Variants in CLEC12A observed in about 807,000 individuals in gnomAD.
CLEC12A encodes the protein C-type lectin domain family 12 member A.
In CLEC12A, 22 loss-of-function variants were observed where a neutral mutation model predicts 26.5. That is an observed-to-expected ratio of 0.83 (90% confidence interval 0.59 to 1.19). The LOEUF is 1.19. CLEC12A is among the 50% of genes most tolerant of loss of function. CLEC12A has a pLI of 0.00. For missense variants in CLEC12A, 353 were observed against 315.6 expected (o/e 1.12, Z -0.90); for synonymous variants, 119 against 101.9 (o/e 1.17, Z -1.01).
At chr12:9,982,452 C>T (rs1454357224) in intron 5 of CLEC12A, among the ~76,000 whole-genome samples, 1 of 151,898 alleles carries the variant, frequency 6.6e-6, no homozygotes, top group Non-Finnish European at 1.5e-5. Flanking sequence ...TTCTAGGGTT[C>T]AAAGATGAAT....
chr12:9,973,781 G>A (rs917164931), intron 1 of CLEC12A, among the ~76,000 whole-genome samples: 10 of 152,108 alleles, frequency 6.6e-5, no homozygotes, highest in South Asian at 4.1e-4. Context: ...TCCATGTGTC[G>A]TTTTCAAAGA....
chr12:9,975,966 T>A (rs537051327), intron 1 of CLEC12A, among the ~76,000 whole-genome samples: 4 of 152,320 alleles, frequency 2.6e-5, no homozygotes, highest in Non-Finnish European at 5.9e-5. Flanking sequence ...CTTGGTAGCT[T>A]CCATGTGGTG....
Position 9,982,036 on chromosome 12 carries a change from A to C in CLEC12A, c.548A>C (p.Gln183Pro). ...NKNALEFIKS[Q>P]SRSYDYWLGL... is the part of the protein sequence containing the mutation. ...TTCCTGTAGGAATTTATAAAATCCC[A>C]GAGTAGATCATATGACTATTGGCTG... Residue 183 changes from glutamine (Q) to proline (P), a missense_variant, in exon 5 of 6, where the codon CAG becomes CCG. Physicochemically the swap from Gln to Pro is moderately conservative, Grantham distance 76 (BLOSUM62 -1). Transcript: ENST00000304361. 4 of 1,566,964 alleles carry C rather than the reference A, an allele frequency of 2.6e-6. No individual in the cohort carries two copies. Among genetic ancestry groups the C allele is most frequent in the Non-Finnish European group, 3.5e-6 (4 of 1,138,842 alleles).
intron 4 of CLEC12A, chr12:9,992,521 G>A (rs1286125081): frequency 6.6e-6 from 1 of 152,032 alleles, no homozygotes; most frequent in Non-Finnish European, 1.5e-5. Context: ...AAGTCATAGT[G>A]TTCGCTTTCA....
At chr12:9,996,509 C>A, downstream of CLEC12A, among the ~76,000 whole-genome samples, 1 of 152,108 alleles carries the variant, frequency 6.6e-6, no homozygotes, top group Non-Finnish European at 1.5e-5. Flanking sequence ...TCTGAGTCCA[C>A]AGAAACAGTA....
chr12:9,995,134 A>T (rs1248789200), exon 5 of CLEC12A: 2 of 1,611,780 alleles, frequency 1.2e-6, no homozygotes, highest in South Asian at 2.2e-5. Flanking sequence ...GTGTCCAGTG[A>T]CTTACATATT....
In CLEC12A at chr12:9,980,646, T is replaced by C. The variant is rs2137187673; in HGVS notation, c.444T>C (p.Ser148=). Residue 148 remains serine (S), a synonymous_variant, in exon 4 of 6, where the codon AGT becomes AGC. Coordinates refer to ENST00000304361, the MANE Select transcript of CLEC12A (RefSeq NM_138337.6). Reference sequence around the variant, plus strand: ...ATAAGGACAGCTGTTATTTCCTAAGTGATGATGTCCAAACATGGCAGGAGA... The same window carrying C: ...ATAAGGACAGCTGTTATTTCCTAAGCGATGATGTCCAAACATGGCAGGAGA... The part of the protein sequence containing the change: ...IWHKDSCYFL[S]DDVQTWQESK... The C allele has an allele frequency of 6.2e-7, 1 of 1,613,852 alleles. No individual in the cohort carries two copies. Among genetic ancestry groups the C allele is most frequent in the East Asian group, 2.2e-5 (1 of 44,872 alleles).
chr12:10,005,684 A>T, the CLEC12A span, among the ~76,000 whole-genome samples: 2 of 152,238 alleles, frequency 1.3e-5, no homozygotes. Context: ...ATATTTTATT[A>T]TGCTGGTCAG....
At chr12:9,985,655 G>A, downstream of CLEC12A, 1 of 391,600 alleles carries the variant, frequency 2.6e-6, no homozygotes, top group Non-Finnish European at 4.5e-6. Context: ...CTTGGCTTTT[G>A]TTAAAGACAT....
the CLEC12A span, among the ~76,000 whole-genome samples, chr12:10,003,095 T>C: frequency 6.6e-6 from 1 of 152,228 alleles, no homozygotes; most frequent in African/African-American, 2.4e-5. Context: ...TTGCAACTGG[T>C]GATAGCTATT....
At position 9,979,489 on chromosome 12, in the gene CLEC12A, C is replaced by G; in HGVS notation, c.344C>G (p.Thr115Ser). 1 of 1,613,244 alleles carries G rather than the reference C, an allele frequency of 6.2e-7. No homozygotes were observed. The highest frequency in any genetic ancestry group is 8.5e-7 in the Non-Finnish European group (1 of 1,179,590). Residue 115 changes from threonine to serine, a missense_variant, in exon 3 of 6, where the codon ACC becomes AGC. By Grantham distance (58) the Thr-to-Ser change is moderately conservative. Transcript: ENST00000304361. ...NLSTTLQTIA[T>S]KLCRELYSKE... is the part of the protein sequence containing the mutation. The stretch of plus-strand genomic sequence containing the variant: ...TCCACCACACTGCAAACAATAGCCA[C>G]CAAATTATGTCGTGAGCTATATAGC...
chr12:9,981,877 A>G, intron 4 of CLEC12A, 143 bp from the exon 5 acceptor site: 1 of 502,022 alleles, frequency 2.0e-6, no homozygotes, highest in Non-Finnish European at 3.5e-6. Context: ...ACTTTCTTTC[A>G]ATTTCTTATA....
downstream of CLEC12A, among the ~76,000 whole-genome samples, chr12:9,996,452 A>G (rs1488391751): frequency 6.6e-6 from 1 of 152,164 alleles, no homozygotes; most frequent in African/African-American, 2.4e-5. Flanking sequence ...ATTTTGCTGG[A>G]GTGGAAAGAA....
chr12:9,951,622 C>A, intron 1 of CLEC12A: 1 of 479,024 alleles, frequency 2.1e-6, no homozygotes, highest in Non-Finnish European at 3.8e-6. Flanking sequence ...ATTGAACTAG[C>A]CCAACAAACA....
chr12:9,961,189 T>C (rs117564390), intron 1 of CLEC12A, among the ~76,000 whole-genome samples: 4 of 152,210 alleles, frequency 2.6e-5, no homozygotes, highest in Non-Finnish European at 5.9e-5. Flanking sequence ...GGTTTTATCA[T>C]GCAAATGAAG....
At chr12:9,993,381 G>C (rs1591846684) in intron 4 of CLEC12A, 43 of 704,404 alleles carry the variant, frequency 6.1e-5, no homozygotes, top group Non-Finnish European at 6.9e-5. Flanking sequence ...ACCAAATAGA[G>C]ACTGAGGAAA....
chr12:9,969,205 T>C (rs966333218), upstream of CLEC12A, among the ~76,000 whole-genome samples: 6 of 152,156 alleles, frequency 3.9e-5, no homozygotes, highest in African/African-American at 1.4e-4. Context: ...TAGTTGACAA[T>C]AATTTATTGT....
downstream of CLEC12A, among the ~76,000 whole-genome samples, chr12:9,998,776 C>T (rs972557372): frequency 7.9e-5 from 12 of 152,076 alleles, no homozygotes; most frequent in African/African-American, 2.7e-4. Flanking sequence ...CACTCTTTTC[C>T]GTTATCCCCT....
At chr12:10,002,035 A>C in the CLEC12A span, among the ~76,000 whole-genome samples, 11 of 151,588 alleles carry the variant, frequency 7.3e-5, no homozygotes, top group African/African-American at 2.2e-4. Context: ...GCCCACCACC[A>C]CGCCTGGCTA....
Sources: allele counts gnomAD v4.1 joint callset (sites outside exome capture counted in the v4.1 genomes callset), GRCh38; gene constraint gnomAD v4.1.1; transcripts MANE v1.5; gene names NCBI Gene and HGNC (gene_info 2026-07-23, HGNC 2026-07-21).